Variants in FSTL4 observed in about 807,000 individuals in gnomAD.
FSTL4 encodes follistatin like 4, also known as follistatin-related protein 4.
FSTL4 carries 28 observed loss-of-function variants against 78.2 expected under a neutral mutation model. The ratio of observed to expected loss-of-function variants is 0.36; its 90% CI spans 0.27 to 0.49. FSTL4 has a LOEUF of 0.49. Ranked by LOEUF, FSTL4 falls within the 20% of genes least tolerant of loss-of-function variation. The pLI, the probability that FSTL4 is intolerant of heterozygous loss-of-function variation, is 0.98. For missense variants in FSTL4, 922 were observed against 1,084.9 expected, an observed-to-expected ratio of 0.85 and a Z score of 2.11; for synonymous variants, 422 against 440.5, an observed-to-expected ratio of 0.96 and a Z score of 0.53.
chr5:133,755,291 C>G, the FSTL4 span, among the ~76,000 whole-genome samples: 2 of 152,178 alleles, frequency 1.3e-5, no homozygotes, highest in Non-Finnish European at 2.9e-5. Flanking sequence ...CACTCTCACT[C>G]TGTCCCAGTT....
chr5:133,312,443 A>G lies in FSTL4; in HGVS notation c.727+211T>C, dbSNP rs1427974919. 5.2e-6 allele frequency: 3 copies of G among 576,768 alleles called. No homozygotes were observed. In the Admixed American group the frequency reaches 9.3e-5, roughly 18 times the overall value. 35.7% of individuals were successfully genotyped at this position (576,768 alleles called of 1,614,324 possible). A position where few individuals can be genotyped will look rare whatever the true frequency, so the allele number is the denominator to read the frequency against. On this transcript the variant is annotated intron_variant, in intron 6 of 15. Coordinates refer to ENST00000265342, the MANE Select transcript of FSTL4 (RefSeq NM_015082.2). ...AAGAGCGAGAAAAATCTTTATTAAA[A>G]AGGAACAGGGCAAGCCCTCTCTGGC...
At chr5:133,754,073 G>A in the FSTL4 span, among the ~76,000 whole-genome samples, 20 of 152,278 alleles carry the variant, frequency 1.3e-4, no homozygotes, top group African/African-American at 4.8e-4. Context: ...CCAGCCCCAT[G>A]TTCCGCCAAC....
intron 4 of FSTL4, among the ~76,000 whole-genome samples, chr5:133,385,281 T>A (rs1362988968): frequency 6.6e-6 from 1 of 152,242 alleles, no homozygotes; most frequent in African/African-American, 2.4e-5. Context: ...GATCTTTCTA[T>A]GAAATCGTGA....
At chr5:133,433,396 T>G (rs1016391130) in intron 3 of FSTL4, among the ~76,000 whole-genome samples, 1 of 152,242 alleles carries the variant, frequency 6.6e-6, no homozygotes, top group Admixed American at 6.5e-5. Flanking sequence ...CCTTCAAGCC[T>G]GGAGATTTTC....
the FSTL4 span, among the ~76,000 whole-genome samples, chr5:133,709,644 C>T: frequency 7.0e-6 from 1 of 142,306 alleles, no homozygotes; most frequent in Non-Finnish European, 1.5e-5. Context: ...CTAATCATAC[C>T]ATCTTTTCCT....
the FSTL4 span, among the ~76,000 whole-genome samples, chr5:133,803,009 T>C: frequency 1.1e-4 from 16 of 152,304 alleles, no homozygotes; most frequent in Admixed American, 3.3e-4. Context: ...CCATTTTCCC[T>C]GACTATATGA....
intron 4 of FSTL4, among the ~76,000 whole-genome samples, chr5:133,329,401 A>C: frequency 6.9e-6 from 1 of 145,958 alleles, no homozygotes; most frequent in Admixed American, 6.7e-5. Context: ...AGAGAGAGAG[A>C]TATATATATA....
intron 4 of FSTL4, among the ~76,000 whole-genome samples, chr5:133,337,813 G>A (rs1302751834): frequency 6.6e-6 from 1 of 152,200 alleles, no homozygotes. Flanking sequence ...AAACATAAGA[G>A]CTGGAGAAGC....
the FSTL4 span, among the ~76,000 whole-genome samples, chr5:133,787,968 C>G: frequency 6.6e-6 from 1 of 152,328 alleles, no homozygotes; most frequent in African/African-American, 2.4e-5. Context: ...AGTTGGTGCT[C>G]GGTAAGTGGT....
At chr5:133,427,594 A>G (rs1756849875) in intron 3 of FSTL4, 1 of 517,516 alleles carries the variant, frequency 1.9e-6, no homozygotes, top group South Asian at 1.4e-5. Flanking sequence ...AAGGGCGGGA[A>G]TGGCGGGGGC....
intron 3 of FSTL4, among the ~76,000 whole-genome samples, chr5:133,414,938 G>C (rs987427063): frequency 6.6e-6 from 1 of 152,158 alleles, no homozygotes; most frequent in African/African-American, 2.4e-5. Flanking sequence ...CTATTAATGG[G>C]ATACAATGGA....
chr5:133,721,908 T>A, the FSTL4 span, among the ~76,000 whole-genome samples: 2 of 152,200 alleles, frequency 1.3e-5, no homozygotes, highest in Non-Finnish European at 2.9e-5. Context: ...ACTCCCATAA[T>A]GCAAATACTT....
chr5:133,323,239 C>T (rs890369483), intron 4 of FSTL4, among the ~76,000 whole-genome samples: 2 of 152,174 alleles, frequency 1.3e-5, no homozygotes, highest in Admixed American at 1.3e-4. Flanking sequence ...GAAAGGCATT[C>T]ACTCCCCTGC....
chr5:133,810,357 G>A, the FSTL4 span, among the ~76,000 whole-genome samples: 632 of 152,296 alleles, frequency 4.1e-3, 6 homozygotes, highest in Admixed American at 8.1e-3. Context: ...TTTGCATTTC[G>A]AAAATTCAGT....
chr5:133,732,745 G>A, the FSTL4 span, among the ~76,000 whole-genome samples: 6 of 149,856 alleles, frequency 4.0e-5, no homozygotes, highest in Admixed American at 3.9e-4. Flanking sequence ...TCCGGCAGCA[G>A]TGAATTGAGA....
At chr5:133,202,427 CCT>C (rs1016587805) in intron 14 of FSTL4, 1 of 156,524 alleles carries the variant, frequency 6.4e-6, no homozygotes, top group Non-Finnish European at 1.4e-5. Context: ...GAGACCACCT[CCT>C]CTCGTAATGG....
the FSTL4 span, among the ~76,000 whole-genome samples, chr5:133,739,577 C>T: frequency 3.3e-5 from 5 of 152,134 alleles, no homozygotes; most frequent in African/African-American, 1.2e-4. Context: ...ATCATTAAGC[C>T]AGCCATCCCA....
chr5:133,386,405 G>A (rs1755702398), intron 4 of FSTL4, among the ~76,000 whole-genome samples: 1 of 152,132 alleles, frequency 6.6e-6, no homozygotes, highest in East Asian at 1.9e-4. Flanking sequence ...AGACAGGCAC[G>A]CTCAACTGTG....
chr5:133,407,061 G>C (rs544498449), intron 3 of FSTL4, among the ~76,000 whole-genome samples: 1 of 152,308 alleles, frequency 6.6e-6, no homozygotes, highest in South Asian at 2.1e-4. Flanking sequence ...TCCAACATCA[G>C]GATACATCCA....
Sources: gnomAD v4.1 joint callset for allele counts (sites outside exome capture counted in the v4.1 genomes callset) on GRCh38, gnomAD v4.1.1 for gene constraint, MANE v1.5 for transcripts, NCBI Gene and HGNC (gene_info 2026-07-23, HGNC 2026-07-21) for gene names.